The following PCDH15 variants were observed in gnomAD, a reference collection of about 807,000 sequenced individuals.
The protein encoded by PCDH15 is protocadherin related 15, also known as protocadherin-15.
Under a neutral mutation model 178.5 loss-of-function variants are expected in PCDH15, and 129 were observed. The ratio of observed to expected loss-of-function variants is 0.72; its 90% CI spans 0.63 to 0.84. PCDH15 has a LOEUF of 0.84. PCDH15 is among the 40% of genes least tolerant of loss of function. The pLI is 0.00. For missense variants in PCDH15, 2,230 were observed against 2,099.9 expected (o/e 1.06, Z -1.21); for synonymous variants, 800 against 732.0 (o/e 1.09, Z -1.50).
chr10:54,659,199 G>A (rs985784706), intron 2 of PCDH15, among the ~76,000 whole-genome samples: 9 of 152,094 alleles, frequency 5.9e-5, no homozygotes, highest in Non-Finnish European at 1.2e-4. Flanking sequence ...TCTGTCTGGT[G>A]ACAGCACCAG....
chr10:55,456,515 T>C (rs1839558154), intron 2 of PCDH15, among the ~76,000 whole-genome samples: 1 of 152,106 alleles, frequency 6.6e-6, no homozygotes, highest in African/African-American at 2.4e-5. Context: ...GTTTGTGGTA[T>C]AAAATGTCAT....
At chr10:55,525,504 CAT>C (rs555871109) in intron 2 of PCDH15, among the ~76,000 whole-genome samples, 217 of 151,900 alleles carry the variant, frequency 1.4e-3, no homozygotes, top group African/African-American at 4.7e-3. Context: ...TCATATAAAT[CAT>C]ATGTTATCAA....
chr10:53,846,576 A>C (rs1387853439), intron 28 of PCDH15, among the ~76,000 whole-genome samples: 1 of 151,988 alleles, frequency 6.6e-6, no homozygotes, highest in Non-Finnish European at 1.5e-5. Flanking sequence ...TCACAAACTA[A>C]GGGTGTCAAT....
At chr10:54,969,747 TCA>T (rs1838885169) in intron 2 of PCDH15, among the ~76,000 whole-genome samples, 2 of 152,214 alleles carry the variant, frequency 1.3e-5, no homozygotes, top group South Asian at 4.1e-4. Flanking sequence ...TCCAGCATAA[TCA>T]CAGTGTTCAC....
intron 1 of PCDH15, among the ~76,000 whole-genome samples, chr10:54,800,143 C>T (rs1023336957): frequency 6.6e-6 from 1 of 152,090 alleles, no homozygotes; most frequent in Non-Finnish European, 1.5e-5. Flanking sequence ...AAATCGATGG[C>T]CATCTGTGTG....
In PCDH15 at chr10:53,808,736, T is replaced by TA. The variant is rs758639399; in HGVS notation, c.4672-1607_4672-1606insT. 16 of 1,613,044 alleles carry TA rather than the reference T, an allele frequency of 9.9e-6. 1 individual carries two copies. In the African/African-American group the frequency reaches 2.0e-4, roughly 20 times the overall value. On this transcript the variant is annotated intron_variant, in intron 37 of 37. Transcript: ENST00000644397. Reference sequence around the variant, plus strand: ...CCTTCAGAGTTTGCTCCTGGCGACTTCTTTTGGTTTGCATTCTTGCTTCTG... The same window carrying TA: ...CCTTCAGAGTTTGCTCCTGGCGACTTACTTTTGGTTTGCATTCTTGCTTCTG...
chr10:54,571,721 G>A (rs893616006), intron 2 of PCDH15, among the ~76,000 whole-genome samples: 1 of 152,160 alleles, frequency 6.6e-6, no homozygotes, highest in African/African-American at 2.4e-5. Flanking sequence ...GGTGCCAAGA[G>A]AGAAGGTATC....
chr10:54,522,552 G>T (rs2082987176), intron 3 of PCDH15, among the ~76,000 whole-genome samples: 1 of 152,162 alleles, frequency 6.6e-6, no homozygotes, highest in African/African-American at 2.4e-5. Context: ...ATCTGAAACA[G>T]CATCACTGCC....
intron 28 of PCDH15, among the ~76,000 whole-genome samples, chr10:53,845,227 C>A (rs1437186816): frequency 2.0e-5 from 3 of 151,488 alleles, no homozygotes; most frequent in African/African-American, 7.3e-5. Context: ...CAAAAAATAA[C>A]AAATGCTGTA....
At chr10:55,071,983 G>T (rs1419286028) in intron 2 of PCDH15, among the ~76,000 whole-genome samples, 2 of 151,458 alleles carry the variant, frequency 1.3e-5, no homozygotes, top group South Asian at 2.1e-4. Context: ...TGAACAACCT[G>T]CTCCTGAATG....
intron 2 of PCDH15, among the ~76,000 whole-genome samples, chr10:55,071,649 G>C (rs1170098365): frequency 6.6e-6 from 1 of 152,064 alleles, no homozygotes; most frequent in African/African-American, 2.4e-5. Context: ...ATAATAATGG[G>C]AGACTTTAAC....
At chr10:54,729,887 A>C (rs945090239) in intron 1 of PCDH15, among the ~76,000 whole-genome samples, 4 of 151,836 alleles carry the variant, frequency 2.6e-5, no homozygotes, top group Middle Eastern at 3.4e-3. Context: ...TATTATTAAA[A>C]AGTCAAAAAC....
intron 17 of PCDH15, among the ~76,000 whole-genome samples, chr10:54,077,369 T>C (rs1367063715): frequency 1.3e-5 from 2 of 152,128 alleles, no homozygotes; most frequent in Non-Finnish European, 2.9e-5. Flanking sequence ...CTTATTTTGG[T>C]TTTAAGTAGT....
At chr10:54,290,449 T>C (rs540271057) in intron 8 of PCDH15, among the ~76,000 whole-genome samples, 19 of 152,246 alleles carry the variant, frequency 1.2e-4, no homozygotes, top group African/African-American at 4.3e-4. Flanking sequence ...ACATGCCAAA[T>C]TGTAAAGACC....
intron 2 of PCDH15, among the ~76,000 whole-genome samples, chr10:54,933,279 T>C (rs564340137): frequency 2.6e-5 from 4 of 152,288 alleles, no homozygotes. Flanking sequence ...ATAAGCTGAG[T>C]AATTTCAAGT....
At chr10:54,745,449 C>T (rs970591874) in intron 1 of PCDH15, among the ~76,000 whole-genome samples, 1 of 151,978 alleles carries the variant, frequency 6.6e-6, no homozygotes, top group South Asian at 2.1e-4. Flanking sequence ...AACAGTTATA[C>T]GATCTCTCTG....
chr10:55,021,549 C>T (rs1252021824), intron 2 of PCDH15, among the ~76,000 whole-genome samples: 1 of 152,080 alleles, frequency 6.6e-6, no homozygotes, highest in Non-Finnish European at 1.5e-5. Flanking sequence ...CCCTGATTAC[C>T]CCTGAAAGAA....
chr10:55,213,108 G>T (rs1019623112), intron 1 of PCDH15, among the ~76,000 whole-genome samples: 1 of 151,974 alleles, frequency 6.6e-6, no homozygotes, highest in Non-Finnish European at 1.5e-5. Flanking sequence ...ACTGTGAGTC[G>T]CAATTTCTGG....
At chr10:54,021,761 A>G (rs1282970746) in intron 19 of PCDH15, among the ~76,000 whole-genome samples, 1 of 151,934 alleles carries the variant, frequency 6.6e-6, no homozygotes, top group African/African-American at 2.4e-5. Flanking sequence ...AATTTTCTTG[A>G]CTGATAGCTA....
Sources: allele counts gnomAD v4.1 joint callset (sites outside exome capture counted in the v4.1 genomes callset), GRCh38; gene constraint gnomAD v4.1.1; transcripts MANE v1.5; gene names NCBI Gene and HGNC (gene_info 2026-07-23, HGNC 2026-07-21).